CNTNAP2: variants seen among roughly 807,000 people sequenced by gnomAD.
CNTNAP2 encodes contactin-associated protein-like 2.
A neutral mutation model predicts 155.2 loss-of-function variants in CNTNAP2; 98 were observed. The ratio of observed to expected loss-of-function variants is 0.63; its 90% CI spans 0.54 to 0.75. The LOEUF is 0.75. CNTNAP2 is among the 30% of genes least tolerant of loss of function. CNTNAP2 has a pLI of 0.00. For missense variants in CNTNAP2, 1,727 were observed against 1,688.1 expected, an observed-to-expected ratio of 1.02 and a Z score of -0.40; for synonymous variants, 651 against 631.2, an observed-to-expected ratio of 1.03 and a Z score of -0.47.
chr7:148,143,836 A>T (rs917989816), intron 16 of CNTNAP2, among the ~76,000 whole-genome samples: 17 of 152,144 alleles, frequency 1.1e-4, no homozygotes, highest in Non-Finnish European at 2.1e-4. Context: ...GGGGCAGAAA[A>T]GGGACTGTCT....
chr7:148,212,082 C>A (rs1795560826), intron 18 of CNTNAP2, among the ~76,000 whole-genome samples: 1 of 150,972 alleles, frequency 6.6e-6, no homozygotes, highest in Non-Finnish European at 1.5e-5. Flanking sequence ...AGATGAAGAG[C>A]AATTGAATAA....
intron 13 of CNTNAP2, among the ~76,000 whole-genome samples, chr7:147,725,788 C>T (rs573916498): frequency 9.9e-5 from 15 of 152,078 alleles, no homozygotes; most frequent in Non-Finnish European, 1.9e-4. Flanking sequence ...TCCCACTCTG[C>T]TTCTACCACA....
Position 147,476,138 on chromosome 7 carries a change from C to G in CNTNAP2, c.1671-9797C>G, listed in dbSNP as rs577537374. Among the ~76,000 whole-genome samples the G allele has an allele frequency of 8.5e-5, 13 of 152,054 alleles. No individual in the cohort carries two copies. The East Asian group carries it at 2.1e-3, about 25-fold the overall frequency. On this transcript the variant is annotated intron_variant, in intron 10 of 23. Transcript: ENST00000361727. Reference sequence around the variant, plus strand: ...TTATTTATTTTGAGACGGAGTCTCGCTCTGTCACCCAGGCTGGAGTGCAGT... The same window carrying G: ...TTATTTATTTTGAGACGGAGTCTCGGTCTGTCACCCAGGCTGGAGTGCAGT...
At chr7:146,785,937 G>C (rs1409303397) in intron 2 of CNTNAP2, among the ~76,000 whole-genome samples, 3 of 152,072 alleles carry the variant, frequency 2.0e-5, no homozygotes, top group Non-Finnish European at 1.5e-5. Context: ...CACTGTATCT[G>C]GCTCATAAGA....
chr7:148,116,054 G>A (rs973145574), intron 15 of CNTNAP2, among the ~76,000 whole-genome samples: 1 of 151,452 alleles, frequency 6.6e-6, no homozygotes, highest in Non-Finnish European at 1.5e-5. Context: ...CAGGAGAATC[G>A]CTTGCACCTG....
chr7:148,361,957 C>A (rs1798630010), intron 21 of CNTNAP2, among the ~76,000 whole-genome samples: 1 of 152,172 alleles, frequency 6.6e-6, no homozygotes, highest in Non-Finnish European at 1.5e-5. Context: ...CGCCTGTAAT[C>A]CCAGCACTTT....
intron 4 of CNTNAP2, among the ~76,000 whole-genome samples, chr7:147,105,197 T>C (rs540246879): frequency 1.8e-4 from 27 of 151,872 alleles, no homozygotes; most frequent in Non-Finnish European, 3.1e-4. Flanking sequence ...AATTATCTTA[T>C]TCAAAGTTAG....
chr7:146,583,160 A>G (rs1283847984), intron 1 of CNTNAP2, among the ~76,000 whole-genome samples: 1 of 152,068 alleles, frequency 6.6e-6, no homozygotes, highest in African/African-American at 2.4e-5. Context: ...AGAAAAGAAA[A>G]CTTAGAACAT....
intron 21 of CNTNAP2, among the ~76,000 whole-genome samples, chr7:148,290,880 G>A (rs1420497982): frequency 6.6e-6 from 1 of 152,142 alleles, no homozygotes; most frequent in African/African-American, 2.4e-5. Flanking sequence ...AGTACAGAGA[G>A]CTTTTTCCAG....
chr7:148,004,757 C>A (rs571269306), intron 15 of CNTNAP2, among the ~76,000 whole-genome samples: 1 of 152,232 alleles, frequency 6.6e-6, no homozygotes, highest in African/African-American at 2.4e-5. Flanking sequence ...ACCTCTTAAC[C>A]TCATTATTAT....
intron 3 of CNTNAP2, among the ~76,000 whole-genome samples, chr7:147,040,214 T>C (rs371924756): frequency 5.3e-5 from 8 of 152,250 alleles, no homozygotes; most frequent in African/African-American, 1.7e-4. Context: ...TTTAATAATA[T>C]AAATGCCATG....
At chr7:146,873,629 T>A (rs1795361143) in intron 3 of CNTNAP2, among the ~76,000 whole-genome samples, 1 of 151,998 alleles carries the variant, frequency 6.6e-6, no homozygotes, top group Admixed American at 6.6e-5. Context: ...GAATGAGGAA[T>A]GGGGTGTATG....
chr7:148,137,378 A>G (rs1287257292), intron 16 of CNTNAP2, among the ~76,000 whole-genome samples: 3 of 152,190 alleles, frequency 2.0e-5, no homozygotes, highest in African/African-American at 4.8e-5. Context: ...AAAATGATTC[A>G]GTTGGGCACA....
intron 1 of CNTNAP2, among the ~76,000 whole-genome samples, chr7:146,430,949 T>A (rs1439993107): frequency 6.6e-6 from 1 of 152,050 alleles, no homozygotes. Context: ...GCAGATGTTC[T>A]GTTAGGCTGT....
At chr7:147,943,766 CAAAAAAAAAAAAAAA>C (rs144842680) in intron 14 of CNTNAP2, among the ~76,000 whole-genome samples, 4 of 40,134 alleles carry the variant, frequency 1.0e-4, no homozygotes, top group African/African-American at 3.4e-4. Flanking sequence ...GACCCCGTCT[CAAAAAAAAAAAAAAA>C]AAAAAAAAAA....
chr7:147,655,607 G>A (rs1584882177), intron 13 of CNTNAP2, among the ~76,000 whole-genome samples: 1 of 152,166 alleles, frequency 6.6e-6, no homozygotes, highest in South Asian at 2.1e-4. Flanking sequence ...TATTTTTTCT[G>A]GGCAGTAACT....
intron 9 of CNTNAP2, among the ~76,000 whole-genome samples, chr7:147,384,478 A>G (rs535595065): frequency 6.6e-6 from 1 of 152,290 alleles, no homozygotes; most frequent in Admixed American, 6.5e-5. Context: ...GAGTCAGAAT[A>G]TTCAGAGTCT....
chr7:147,656,215 C>T (rs1795523225), intron 13 of CNTNAP2, among the ~76,000 whole-genome samples: 1 of 152,202 alleles, frequency 6.6e-6, no homozygotes, highest in Non-Finnish European at 1.5e-5. Context: ...AAACTTTCTC[C>T]ATATCAGCAA....
intron 13 of CNTNAP2, among the ~76,000 whole-genome samples, chr7:147,772,446 C>CTA (rs58027241): frequency 0.1 from 6,335 of 63,196 alleles, 320 homozygotes; most frequent in East Asian, 0.12. Flanking sequence ...CTCTCTCTCG[C>CTA]TATATATATA....
Sources: gnomAD v4.1 joint callset for allele counts (sites outside exome capture counted in the v4.1 genomes callset) on GRCh38, gnomAD v4.1.1 for gene constraint, MANE v1.5 for transcripts, NCBI Gene and HGNC (gene_info 2026-07-23, HGNC 2026-07-21) for gene names.